The following SIPA1L1 variants were observed in gnomAD, a reference collection of about 807,000 sequenced individuals.
SIPA1L1 encodes signal-induced proliferation-associated 1-like protein 1.
A neutral mutation model predicts 162.7 loss-of-function variants in SIPA1L1; 26 were observed. That is an observed-to-expected ratio of 0.16 (90% confidence interval 0.12 to 0.22). SIPA1L1 has a LOEUF of 0.22. SIPA1L1 is among the 10% of genes least tolerant of loss of function. SIPA1L1 has a pLI of 1.00. For missense variants in SIPA1L1, 1,874 were observed against 2,241.0 expected (o/e 0.84, Z 3.31); for synonymous variants, 829 against 837.4 (o/e 0.99, Z 0.17).
At chr14:71,651,709 C>T (rs1216807900) in intron 8 of SIPA1L1, among the ~76,000 whole-genome samples, 1 of 152,142 alleles carries the variant, frequency 6.6e-6, no homozygotes, top group East Asian at 1.9e-4. Context: ...GTGTAATAAG[C>T]TCAGTGATAC....
At chr14:71,502,255 A>AAATATATAT (rs67020418) in intron 2 of SIPA1L1, among the ~76,000 whole-genome samples, 8 of 97,558 alleles carry the variant, frequency 8.2e-5, no homozygotes, top group African/African-American at 3.6e-4. Context: ...AAAAAAAAAA[A>AAATATATAT]ATATATATAT....
rs766398157 is a variant in SIPA1L1, at chr14:71,730,082, C to T, written c.4642C>T (p.Pro1548Ser). 1.2e-6 allele frequency: 2 copies of T among 1,614,200 alleles called. No homozygotes were observed. The change falls in exon 20 of 24, where the codon CCT (proline) becomes TCT (serine). Residue 1548 changes from proline (P) to serine (S), a missense_variant. Physicochemically the swap from Pro to Ser is moderately conservative, Grantham distance 74. Around this residue, in one of 5 missense-constraint regions of SIPA1L1, gnomAD observed 936 missense variants for 1,051.9 expected, o/e 0.89. Transcript: ENST00000381232. Reference sequence around the variant, plus strand: ...CCACGCACTCTCCTCTCCTCAGTCTCCTTTCCCCAGCACCCCCACCTCACG... The same window carrying T: ...CCACGCACTCTCCTCTCCTCAGTCTTCTTTCCCCAGCACCCCCACCTCACG... ...KFHALSSPQSPFPSTPTSRRA... is the reference protein window; with the variant it reads ...KFHALSSPQSSFPSTPTSRRA...
chr14:71,522,570 A>G (rs544495444), intron 3 of SIPA1L1, among the ~76,000 whole-genome samples: 26 of 152,334 alleles, frequency 1.7e-4, no homozygotes, highest in African/African-American at 6.3e-4. Flanking sequence ...TCAGCACTCA[A>G]AAAGTTTGAA....
intron 17 of SIPA1L1, among the ~76,000 whole-genome samples, chr14:71,722,838 C>T (rs1337996853): frequency 1.7e-4 from 26 of 152,148 alleles, no homozygotes; most frequent in Admixed American, 1.6e-3. Flanking sequence ...CGGGTTCAAG[C>T]GATTCTCTTG....
intron 15 of SIPA1L1, among the ~76,000 whole-genome samples, chr14:71,703,236 A>AT (rs2082211833): frequency 6.6e-6 from 1 of 152,128 alleles, no homozygotes; most frequent in Non-Finnish European, 1.5e-5. Context: ...AGACTGTTGG[A>AT]TTTTTTCCTC....
chr14:71,499,271 A>C (rs1402512172), intron 2 of SIPA1L1, among the ~76,000 whole-genome samples: 1 of 152,098 alleles, frequency 6.6e-6, no homozygotes, highest in Non-Finnish European at 1.5e-5. Flanking sequence ...GAGCCTGCGG[A>C]GGTTGAGGCT....
intron 3 of SIPA1L1, among the ~76,000 whole-genome samples, chr14:71,519,445 TA>T (rs1369715523): frequency 6.6e-6 from 1 of 152,220 alleles, no homozygotes; most frequent in African/African-American, 2.4e-5. Flanking sequence ...TCTGGCACCC[TA>T]ATCTTGATTT....
chr14:71,543,941 A>C (rs773461947), intron 4 of SIPA1L1, among the ~76,000 whole-genome samples: 1 of 147,678 alleles, frequency 6.8e-6, no homozygotes, highest in Non-Finnish European at 1.5e-5. Context: ...ATGTGTGTAT[A>C]TATACATATA....
chr14:71,677,090 A>G (rs1480480829), intron 12 of SIPA1L1, among the ~76,000 whole-genome samples: 1 of 152,192 alleles, frequency 6.6e-6, no homozygotes, highest in African/African-American at 2.4e-5. Flanking sequence ...ACTCCCACCA[A>G]CAGTGTAAAA....
chr14:71,456,564 A>G (rs905534181), intron 2 of SIPA1L1, among the ~76,000 whole-genome samples: 1 of 152,208 alleles, frequency 6.6e-6, no homozygotes, highest in Non-Finnish European at 1.5e-5. Flanking sequence ...CAGCCAAAAA[A>G]CATTAATAAT....
chr14:71,420,328 T>C (rs1236378048), intron 2 of SIPA1L1, among the ~76,000 whole-genome samples: 1 of 152,156 alleles, frequency 6.6e-6, no homozygotes, highest in Non-Finnish European at 1.5e-5. Context: ...GAGGCATTTA[T>C]AGAGGGAGGA....
chr14:71,698,544 CAAA>C (rs913749692), intron 13 of SIPA1L1, among the ~76,000 whole-genome samples: 13 of 151,916 alleles, frequency 8.6e-5, no homozygotes, highest in African/African-American at 3.1e-4. Flanking sequence ...AATTGGAAAA[CAAA>C]GAAGCATACA....
chr14:71,404,522 C>G (rs979496791), intron 2 of SIPA1L1, among the ~76,000 whole-genome samples: 7 of 152,202 alleles, frequency 4.6e-5, no homozygotes, highest in African/African-American at 1.7e-4. Context: ...GCACTCCAGC[C>G]TGGGCTACAG....
At chr14:71,618,943 T>C in intron 6 of SIPA1L1, 56 bp downstream of exon 6, 1 of 1,576,748 alleles carries the variant, frequency 6.3e-7, no homozygotes, top group East Asian at 2.3e-5. Context: ...AGAAAGCAAA[T>C]AGTAGCAGTA....
At chr14:71,717,211 G>T (rs1266626629) in intron 17 of SIPA1L1, among the ~76,000 whole-genome samples, 2 of 152,146 alleles carry the variant, frequency 1.3e-5, no homozygotes, top group African/African-American at 4.8e-5. Flanking sequence ...TTTATATGGG[G>T]TATCATGTAC....
intron 13 of SIPA1L1, among the ~76,000 whole-genome samples, chr14:71,697,940 A>T (rs1464539387): frequency 6.6e-6 from 1 of 151,938 alleles, no homozygotes; most frequent in Non-Finnish European, 1.5e-5. Context: ...AAAACAAAAA[A>T]AAAACCACAG....
At chr14:71,401,365 CT>C (rs2041658502) in intron 2 of SIPA1L1, among the ~76,000 whole-genome samples, 1 of 144,770 alleles carries the variant, frequency 6.9e-6, no homozygotes, top group African/African-American at 2.5e-5. Flanking sequence ...TTTCTTTATT[CT>C]TTTTTGGATA....
chr14:71,429,754 T>C (rs2043845596), intron 2 of SIPA1L1, among the ~76,000 whole-genome samples: 1 of 152,214 alleles, frequency 6.6e-6, no homozygotes, highest in Non-Finnish European at 1.5e-5. Flanking sequence ...TGGTACAGGA[T>C]AGGAACTGTG....
chr14:71,658,302 C>T (rs1164618107), intron 8 of SIPA1L1, 31 bp from the exon 9 acceptor site: 9 of 1,009,076 alleles, frequency 8.9e-6, no homozygotes, highest in African/African-American at 4.8e-5. Flanking sequence ...CTGTTATAGT[C>T]ATCTCATCAT....
Sources: allele counts gnomAD v4.1 joint callset (sites outside exome capture counted in the v4.1 genomes callset), GRCh38; gene constraint gnomAD v4.1.1; regional missense constraint gnomAD v4.1.1; transcripts MANE v1.5; gene names NCBI Gene and HGNC (gene_info 2026-07-23, HGNC 2026-07-21).